Variants in SVOPL observed in about 807,000 individuals in gnomAD.
SVOPL encodes the protein putative transporter SVOPL.
A neutral mutation model predicts 61.0 loss-of-function variants in SVOPL; 60 were observed. The ratio of observed to expected loss-of-function variants is 0.98; its 90% CI spans 0.80 to 1.22. SVOPL has a LOEUF of 1.22. Ranked by LOEUF, SVOPL falls within the 50% of genes most tolerant of loss-of-function variation. The probability of loss-of-function intolerance (pLI) is 0.00; values close to 1 mark genes in which losing one functional copy is unlikely to be tolerated. For missense variants in SVOPL, 662 were observed against 643.9 expected (o/e 1.03, Z -0.30); for synonymous variants, 279 against 250.0 (o/e 1.12, Z -1.09).
At chr7:138,618,287 T>G (rs536284393) in intron 14 of SVOPL, among the ~76,000 whole-genome samples, 1 of 152,196 alleles carries the variant, frequency 6.6e-6, no homozygotes, top group South Asian at 2.1e-4. Flanking sequence ...ATTGGGTTAA[T>G]TGCTTTACAT....
chr7:138,672,225 C>T (rs967049379), intron 3 of SVOPL, 108 bp from the exon 4 acceptor site: 2 of 991,888 alleles, frequency 2.0e-6, no homozygotes, highest in African/African-American at 1.6e-5. Context: ...TTGTCCTTCC[C>T]CATTCAGGGA....
chr7:138,664,118 T>G (rs74505180), intron 4 of SVOPL: 19,581 of 736,916 alleles, frequency 0.027, 286 homozygotes, highest in South Asian at 0.031. Context: ...GCTCCAGCTC[T>G]CCCTCTGCCT....
chr7:138,629,020 AAAAT>A (rs1288424829), intron 10 of SVOPL, among the ~76,000 whole-genome samples: 16 of 152,174 alleles, frequency 1.1e-4, no homozygotes, highest in Admixed American at 5.9e-4. Context: ...AGTGCAAAAT[AAAAT>A]AAATAAATTT....
At chr7:138,682,033 T>C (rs1462300296) in intron 1 of SVOPL, among the ~76,000 whole-genome samples, 2 of 152,152 alleles carry the variant, frequency 1.3e-5, no homozygotes, top group Admixed American at 6.6e-5. Flanking sequence ...GCAAAAATAG[T>C]AAATATCTTG....
intron 14 of SVOPL, among the ~76,000 whole-genome samples, chr7:138,620,330 A>C (rs1483793992): frequency 2.0e-5 from 3 of 148,914 alleles, no homozygotes; most frequent in Non-Finnish European, 3.0e-5. Context: ...CATGCTGCCC[A>C]GCCTGGTCTC....
intron 14 of SVOPL, among the ~76,000 whole-genome samples, chr7:138,615,708 C>T (rs62485290): frequency 2.0e-5 from 1 of 49,064 alleles, no homozygotes; most frequent in Non-Finnish European, 5.4e-5. Context: ...GGCAGGAGAA[C>T]TGTTTGAACC....
chr7:138,602,418 T>C (rs1376596174), intron 14 of SVOPL, among the ~76,000 whole-genome samples: 6 of 149,374 alleles, frequency 4.0e-5, no homozygotes, highest in South Asian at 2.1e-4. Context: ...TGACATAAGA[T>C]TATTAGTGAG....
chr7:138,628,398 T>TG (rs774631940), intron 10 of SVOPL, 35 bp from the exon 11 acceptor site: 3 of 1,604,732 alleles, frequency 1.9e-6, no homozygotes, highest in Admixed American at 1.7e-5. Flanking sequence ...TAGCCAACGC[T>TG]GACACCAGAC....
chr7:138,642,287 CAAAAA>C (rs79469915), intron 9 of SVOPL, among the ~76,000 whole-genome samples: 11 of 111,670 alleles, frequency 9.9e-5, no homozygotes, highest in Non-Finnish European at 1.8e-4. Context: ...GGAAATTAGC[CAAAAA>C]AAAAAAAAAA....
At chr7:138,647,471 T>C (rs1801175476) in intron 8 of SVOPL, among the ~76,000 whole-genome samples, 2 of 152,060 alleles carry the variant, frequency 1.3e-5, no homozygotes, top group Admixed American at 6.5e-5. Flanking sequence ...GGTAAATTTA[T>C]AGGGAGAAAA....
intron 1 of SVOPL, among the ~76,000 whole-genome samples, chr7:138,700,118 C>G (rs1018497710): frequency 6.6e-6 from 1 of 152,136 alleles, no homozygotes; most frequent in African/African-American, 2.4e-5. Context: ...AAAGGACACT[C>G]AAACACAAAC....
chr7:138,595,307 A>G (rs143123339), intron 15 of SVOPL, among the ~76,000 whole-genome samples: 1 of 152,264 alleles, frequency 6.6e-6, no homozygotes, highest in Admixed American at 6.5e-5. Context: ...ACCACTCACA[A>G]CACTGAAGTA....
At chr7:138,651,424 T>A (rs1003022797) in intron 7 of SVOPL, among the ~76,000 whole-genome samples, 3 of 152,170 alleles carry the variant, frequency 2.0e-5, no homozygotes, top group Admixed American at 2.0e-4. Flanking sequence ...AAAATAAACA[T>A]GCACAGGCAC....
At chr7:138,619,932 G>A (rs1396741118) in intron 14 of SVOPL, among the ~76,000 whole-genome samples, 2 of 152,108 alleles carry the variant, frequency 1.3e-5, no homozygotes, top group Non-Finnish European at 2.9e-5. Context: ...GGTTCTCAGG[G>A]AGGAGGAAAG....
intron 14 of SVOPL, among the ~76,000 whole-genome samples, chr7:138,616,177 C>G (rs997824592): frequency 2.0e-5 from 3 of 152,104 alleles, no homozygotes; most frequent in African/African-American, 4.8e-5. Flanking sequence ...TATAAGCCAC[C>G]CAGAGTCTGT....
intron 3 of SVOPL, among the ~76,000 whole-genome samples, chr7:138,673,130 T>C (rs1419664412): frequency 6.6e-6 from 1 of 151,588 alleles, no homozygotes; most frequent in Non-Finnish European, 1.5e-5. Flanking sequence ...ACATGTTCTG[T>C]CGATAACATT....
chr7:138,615,064 T>C lies in SVOPL; in HGVS notation c.1353+5982A>G, dbSNP rs561971300. Among the ~76,000 whole-genome samples the C allele has an allele frequency of 7.2e-5, 11 of 152,218 alleles. No individual in the cohort carries two copies. In the South Asian group the frequency reaches 2.3e-3, roughly 32 times the overall value. Reference sequence around the variant, plus strand: ...AGCCATGGACATGCTGAAAGGACTTTAACATCCATAGTAGGTTCCAGCAGT... The same window carrying C: ...AGCCATGGACATGCTGAAAGGACTTCAACATCCATAGTAGGTTCCAGCAGT... On this transcript the variant is annotated intron_variant, in intron 14 of 15. Transcript: ENST00000674285.
intron 14 of SVOPL, among the ~76,000 whole-genome samples, chr7:138,614,481 C>T (rs1372293615): frequency 2.0e-5 from 3 of 151,732 alleles, no homozygotes; most frequent in Admixed American, 6.6e-5. Context: ...CTGCAACCTC[C>T]GCCTCCTGGG....
At chr7:138,622,194 CTATCTATG>C (rs1799672392) in intron 13 of SVOPL, among the ~76,000 whole-genome samples, 1 of 78,018 alleles carries the variant, frequency 1.3e-5, no homozygotes, top group African/African-American at 5.6e-5. Flanking sequence ...ATCTATCTAT[CTATCTATG>C]TATCTATCTA....
Sources: gnomAD v4.1 joint callset for allele counts (sites outside exome capture counted in the v4.1 genomes callset) on GRCh38, gnomAD v4.1.1 for gene constraint, MANE v1.5 for transcripts, NCBI Gene and HGNC (gene_info 2026-07-23, HGNC 2026-07-21) for gene names.